Variants in PTPRT observed in about 807,000 individuals in gnomAD.
PTPRT encodes receptor-type tyrosine-protein phosphatase T.
Under a neutral mutation model 176.8 loss-of-function variants are expected in PTPRT, and 56 were observed. The observed-to-expected ratio is 0.32, with a 90% CI of 0.26 to 0.40. The LOEUF (loss-of-function observed/expected upper bound fraction) is 0.40. PTPRT is among the 10% of genes least tolerant of loss of function. The pLI is 1.00. For synonymous variants in PTPRT, 783 were observed against 739.0 expected (o/e 1.06, Z -0.96); for missense variants, 1,540 against 1,908.2 (o/e 0.81, Z 3.60).
At chr20:42,439,263 AC>A (rs1392662004) in intron 9 of PTPRT, among the ~76,000 whole-genome samples, 1 of 152,156 alleles carries the variant, frequency 6.6e-6, no homozygotes, top group Admixed American at 6.5e-5. Flanking sequence ...TTGTGTGTGC[AC>A]ATGTCTTTTT....
the PTPRT span, among the ~76,000 whole-genome samples, chr20:42,053,947 T>A: frequency 6.6e-6 from 1 of 151,974 alleles, no homozygotes; most frequent in Non-Finnish European, 1.5e-5. Context: ...GGGGGTCAGT[T>A]TGGGGCAGGA....
chr20:43,148,782 T>A (rs575208496), intron 1 of PTPRT, among the ~76,000 whole-genome samples: 1 of 152,132 alleles, frequency 6.6e-6, no homozygotes, highest in South Asian at 2.1e-4. Flanking sequence ...TTCATATGCC[T>A]CAAAAATGTA....
chr20:42,072,383 A>G (rs1982387322), downstream of PTPRT, among the ~76,000 whole-genome samples: 1 of 152,182 alleles, frequency 6.6e-6, no homozygotes, highest in South Asian at 2.1e-4. Context: ...TTTATTATGC[A>G]GCCATAGCTA....
chr20:42,903,376 C>T (rs542604875), intron 1 of PTPRT, among the ~76,000 whole-genome samples: 1 of 152,186 alleles, frequency 6.6e-6, no homozygotes, highest in South Asian at 2.1e-4. Flanking sequence ...ATGCAGAAGC[C>T]CAAGGAACAT....
At chr20:42,348,370 T>TTTTATTTATTTATTTATTTA (rs145685236) in intron 11 of PTPRT, among the ~76,000 whole-genome samples, 132 of 146,612 alleles carry the variant, frequency 9.0e-4, no homozygotes, top group African/African-American at 8.0e-4. Flanking sequence ...GTGACATTTC[T>TTTTATTTATTTATTTATTTA]TTTATTTATT....
At chr20:42,481,794 A>G (rs2071389846) in intron 7 of PTPRT, among the ~76,000 whole-genome samples, 2 of 150,144 alleles carry the variant, frequency 1.3e-5, no homozygotes, top group African/African-American at 5.0e-5. Flanking sequence ...ACACACACAC[A>G]CACACACACA....
At chr20:42,614,251 G>A (rs751355834) in intron 7 of PTPRT, among the ~76,000 whole-genome samples, 3 of 151,934 alleles carry the variant, frequency 2.0e-5, no homozygotes, top group African/African-American at 7.3e-5. Context: ...CTTTTTGTAA[G>A]GACACCTGTC....
At chr20:43,008,493 C>T (rs186217166) in intron 1 of PTPRT, among the ~76,000 whole-genome samples, 97 of 152,166 alleles carry the variant, frequency 6.4e-4, no homozygotes, top group Non-Finnish European at 1.1e-3. Context: ...GAGTTTGAGA[C>T]GAGGCTGGCC....
At chr20:42,615,200 T>C (rs1430039820) in intron 7 of PTPRT, among the ~76,000 whole-genome samples, 3 of 133,150 alleles carry the variant, frequency 2.3e-5, no homozygotes, top group African/African-American at 3.3e-5. Context: ...GGTTTTTTGT[T>C]CTTGCGATAG....
intron 1 of PTPRT, among the ~76,000 whole-genome samples, chr20:43,034,077 GCC>G (rs1345640068): frequency 2.0e-5 from 3 of 152,186 alleles, no homozygotes; most frequent in African/African-American, 7.2e-5. Context: ...GGGTCCGGGG[GCC>G]TCTGCCCTGG....
intron 16 of PTPRT, among the ~76,000 whole-genome samples, chr20:42,185,204 TA>T (rs1440157518): frequency 3.9e-5 from 6 of 152,172 alleles, no homozygotes; most frequent in African/African-American, 1.4e-4. Flanking sequence ...CTCCTCAGAA[TA>T]CTGTTGTCCC....
intron 2 of PTPRT, among the ~76,000 whole-genome samples, chr20:42,840,430 T>C (rs940542051): frequency 1.3e-5 from 2 of 152,186 alleles, no homozygotes; most frequent in Non-Finnish European, 2.9e-5. Context: ...TTTTGGTGTG[T>C]GACACTGAGT....
At chr20:42,727,122 C>G (rs2076392886) in intron 6 of PTPRT, among the ~76,000 whole-genome samples, 1 of 152,154 alleles carries the variant, frequency 6.6e-6, no homozygotes, top group African/African-American at 2.4e-5. Context: ...GCTGACAGGA[C>G]AGAGAGAGGC....
Position 42,402,710 on chromosome 20 carries a change from G to C in PTPRT, c.1560+45510C>G, listed in dbSNP as rs188723452. Among the ~76,000 whole-genome samples the C allele has an allele frequency of 3.7e-3, 555 of 152,014 alleles. 1 individual carries two copies. The highest frequency in any genetic ancestry group is 4.5e-3 in the Non-Finnish European group (304 of 67,988). ...GCGATAATAATGCTTGGTGTGGATT[G>C]TAAGGCATTTAATCTGGAGGAACTT... On this transcript the variant is annotated intron_variant, in intron 9 of 30. Coordinates refer to ENST00000373187, the MANE Select transcript of PTPRT (RefSeq NM_007050.6).
At chr20:42,169,792 A>AC (rs781141603) in intron 16 of PTPRT, among the ~76,000 whole-genome samples, 14,561 of 95,286 alleles carry the variant, frequency 0.15, 972 homozygotes, top group Middle Eastern at 0.2. Flanking sequence ...ACACACACAC[A>AC]ACAGTCAGTA....
At chr20:42,806,464 C>G (rs2077609737) in intron 2 of PTPRT, among the ~76,000 whole-genome samples, 1 of 130,958 alleles carries the variant, frequency 7.6e-6, no homozygotes, top group South Asian at 2.6e-4. Context: ...AGCCTGGCGA[C>G]AGAGCAAGAC....
chr20:42,846,727 A>C (rs2078379578), intron 2 of PTPRT, among the ~76,000 whole-genome samples: 1 of 152,168 alleles, frequency 6.6e-6, no homozygotes, highest in Non-Finnish European at 1.5e-5. Flanking sequence ...CCATGTGGCT[A>C]GTTGGCTCCT....
intron 1 of PTPRT, among the ~76,000 whole-genome samples, chr20:43,178,283 C>T (rs952164526): frequency 6.6e-6 from 1 of 152,176 alleles, no homozygotes; most frequent in Non-Finnish European, 1.5e-5. Context: ...AGCTGAGACA[C>T]AGGGAGGAAG....
chr20:42,349,418 C>T (rs112444452), intron 11 of PTPRT, among the ~76,000 whole-genome samples: 2,027 of 152,302 alleles, frequency 0.013, 42 homozygotes, highest in African/African-American at 0.047. Context: ...TCAGTGTCCC[C>T]ACTGGGAATT....
Sources: gnomAD v4.1 joint callset for allele counts (sites outside exome capture counted in the v4.1 genomes callset) on GRCh38, gnomAD v4.1.1 for gene constraint, MANE v1.5 for transcripts, NCBI Gene and HGNC (gene_info 2026-07-23, HGNC 2026-07-21) for gene names.